The following BAHCC1 variants were observed in gnomAD, a reference collection of about 807,000 sequenced individuals.
The protein encoded by BAHCC1 is BAH domain and coiled-coil containing 1.
In BAHCC1, 43 loss-of-function variants were observed where a neutral mutation model predicts 88.2. The observed-to-expected ratio is 0.49, with a 90% CI of 0.38 to 0.63. The LOEUF (loss-of-function observed/expected upper bound fraction) is 0.63, where lower values mean the gene tolerates loss of function less well. BAHCC1 is among the 20% of genes least tolerant of loss of function. The pLI is 0.00. For synonymous variants in BAHCC1, 1,510 were observed against 745.5 expected, an observed-to-expected ratio of 2.03 and a Z score of -16.71; for missense variants, 3,023 against 1,654.8, an observed-to-expected ratio of 1.83 and a Z score of -14.34.
chr17:81,460,656 C>T lies in BAHCC1; in HGVS notation c.6152C>T (p.Pro2051Leu). 1.3e-6 allele frequency: 1 copy of T among 772,316 alleles called. No individual in the cohort carries two copies. Among genetic ancestry groups the T allele is most frequent in the Non-Finnish European group, 2.4e-6 (1 of 414,452 alleles). The allele number at this position is 772,316 out of a possible 1,614,324, so 47.8% of individuals were successfully genotyped here. The change falls in exon 25 of 28, where the codon CCC (proline) becomes CTC (leucine). Residue 2051 changes from proline to leucine, a missense_variant. Physicochemically the swap from Pro to Leu is moderately conservative, Grantham distance 98. Coordinates refer to ENST00000675386, the MANE Select transcript of BAHCC1 (RefSeq NM_001377448.1). Reference sequence around the variant, plus strand: ...CTGTCCCCCAAAGCACAGGACGGCCCCGAAGCTTTGAAGACACCTGGGAAA... The same window carrying T: ...CTGTCCCCCAAAGCACAGGACGGCCTCGAAGCTTTGAAGACACCTGGGAAA... ...PSLSPKAQDGPEALKTPGKKS... is the reference protein window; with the variant it reads ...PSLSPKAQDGLEALKTPGKKS...
rs782126812 is a variant in BAHCC1, at chr17:81,463,809, C to T, written c.7819C>T (p.Leu2607=). The T allele has an allele frequency of 1.4e-6, 1 of 730,992 alleles. No individual in the cohort carries two copies. Among genetic ancestry groups the T allele is most frequent in the South Asian group, 1.4e-5 (1 of 69,836 alleles). The allele number at this position is 730,992 out of a possible 1,614,324, so 45.3% of individuals were successfully genotyped here. ...RLVTADGVPI[L]C is the part of the protein sequence containing the mutation. The stretch of plus-strand genomic sequence containing the variant: ...GGTGACGGCTGATGGCGTGCCCATC[C>T]TATGCTGAGCCGCCCACCGCAGATG... The change falls in exon 28 of 28, where the codon CTA becomes TTA. Residue 2607 remains leucine, a synonymous_variant. Coordinates refer to ENST00000675386, the MANE Select transcript of BAHCC1 (RefSeq NM_001377448.1).
At chr17:81,423,403 C>T (rs1477472018) in intron 2 of BAHCC1, among the ~76,000 whole-genome samples, 1 of 152,156 alleles carries the variant, frequency 6.6e-6, no homozygotes, top group Non-Finnish European at 1.5e-5. Flanking sequence ...TGGGAAGTTC[C>T]CAGGGCCAAG....
chr17:81,451,814 A>AC lies in BAHCC1; in HGVS notation c.4129dup (p.Arg1377ProfsTer63). ...CAACCCCTGCAGCGGCCCCAGGCTC[A>AC]CCCCCCGCATGCAGATCCTGCAGCG... On this transcript the variant is annotated frameshift_variant, in exon 12 of 28. Coordinates refer to ENST00000675386, the MANE Select transcript of BAHCC1 (RefSeq NM_001377448.1). LOFTEE classifies it high-confidence loss of function. 2.6e-6 allele frequency: 2 copies of AC among 757,654 alleles called. No homozygotes were observed. The highest frequency in any genetic ancestry group is 2.5e-5 in the East Asian group (1 of 40,766). 46.9% of individuals were successfully genotyped at this position (757,654 alleles called of 1,614,324 possible).
In BAHCC1 at chr17:81,451,841, A is replaced by G. The variant is rs782443652; in HGVS notation, c.4150A>G (p.Lys1384Glu). The change falls in exon 12 of 28, where the codon AAG becomes GAG. Residue 1384 changes from lysine to glutamate, a missense_variant. Transcript: ENST00000675386. ...LTPRMQILQR[K>E]DTWTPKTKPV... ...CCCCCGCATGCAGATCCTGCAGCGC[A>G]AGGACACCTGGACCCCCAAGACCAA... 1.3e-6 allele frequency: 1 copy of G among 751,574 alleles called. No individual in the cohort carries two copies. Among genetic ancestry groups the G allele is most frequent in the South Asian group, 1.4e-5 (1 of 71,938 alleles). 46.6% of individuals were successfully genotyped at this position (751,574 alleles called of 1,614,324 possible). A position where few individuals can be genotyped will look rare whatever the true frequency, so the allele number is the denominator to read the frequency against.
intron 2 of BAHCC1, chr17:81,402,421 A>G (rs1555646228): frequency 6.6e-6 from 1 of 152,256 alleles, no homozygotes; most frequent in East Asian, 1.9e-4. Flanking sequence ...GTGTCTATAT[A>G]TGATCTAGTT....
At chr17:81,444,911 G>A in intron 8 of BAHCC1, 85 bp downstream of exon 8, 1 of 699,488 alleles carries the variant, frequency 1.4e-6, no homozygotes, top group Non-Finnish European at 2.6e-6. Flanking sequence ...CAGGGCTCAG[G>A]AGGGAGCGGT....
At chr17:81,431,215 C>T (rs1205441760) in intron 3 of BAHCC1, among the ~76,000 whole-genome samples, 1 of 152,140 alleles carries the variant, frequency 6.6e-6, no homozygotes, top group Non-Finnish European at 1.5e-5. Context: ...CGGGAGCCAG[C>T]CCTCCCATAC....
At chr17:81,462,513 G>A (rs1177020907) in intron 26 of BAHCC1, 45 of 569,028 alleles carry the variant, frequency 7.9e-5, no homozygotes, top group South Asian at 6.6e-4. Context: ...GTGTCCAGAC[G>A]TCATGATTCC....
chr17:81,458,203 A>G lies in BAHCC1; in HGVS notation c.5080A>G (p.Ile1694Val), dbSNP rs1195124738. ...GTCCAGCCCTGAGAGTGAGGTCAAG[A>G]TCAAGAGGCGGTCGGTGAAGGCCAA... is the stretch of plus-strand genomic sequence containing the variant. ...RLSSPESEVK[I>V]KRRSVKAKVG... is the part of the protein sequence containing the mutation. Residue 1694 changes from isoleucine to valine, a missense_variant, in exon 18 of 28, where the codon ATC (isoleucine) becomes GTC (valine). Ile to Val is a conservative substitution (Grantham distance 29). Coordinates refer to ENST00000675386, the MANE Select transcript of BAHCC1 (RefSeq NM_001377448.1). The G allele has an allele frequency of 1.5e-5, 11 of 728,192 alleles. No homozygotes were observed. Among genetic ancestry groups the G allele is most frequent in the Non-Finnish European group, 2.8e-5 (11 of 391,660 alleles). 45.1% of individuals were successfully genotyped at this position (728,192 alleles called of 1,614,324 possible).
chr17:81,426,448 T>G lies in BAHCC1; in HGVS notation c.179-352T>G, dbSNP rs2064200715. ...TAGTGGTGGGTGATGTGGTTGGGGG[T>G]GATGTGGGTGATGTGGTTGGGGGTG... On this transcript the variant is annotated intron_variant, in intron 2 of 27. Transcript: ENST00000675386. Among the ~76,000 whole-genome samples, 14 of 41,746 alleles carry G rather than the reference T, an allele frequency of 3.4e-4. 1 individual carries two copies. The highest frequency in any genetic ancestry group is 1.1e-3 in the African/African-American group (7 of 6,402). 27.4% of individuals were successfully genotyped at this position (41,746 alleles called of 152,430 possible).
rs781936482 is a variant in BAHCC1, at chr17:81,399,621, C to T, written c.-119C>T. 1.5e-6 allele frequency: 1 copy of T among 648,178 alleles called. No individual in the cohort carries two copies. Among genetic ancestry groups the T allele is most frequent in the South Asian group, 2.0e-5 (1 of 49,538 alleles). 40.2% of individuals were successfully genotyped at this position (648,178 alleles called of 1,614,324 possible). A position where few individuals can be genotyped will look rare whatever the true frequency, so the allele number is the denominator to read the frequency against. ...TCCCGCGTGCTGACCGGCCCCGCCG[C>T]CACCACCGCCTGTGACCCCGGACGC... On this transcript the variant is annotated 5_prime_UTR_variant, in exon 2 of 28. Transcript: ENST00000675386. This position sits in a 1 kb window ranked among gnomAD's most constrained non-coding sequence, Gnocchi z 4.5.
chr17:81,461,124 G>A lies in BAHCC1; in HGVS notation c.6461G>A (p.Arg2154His), dbSNP rs782797408. 27 of 764,250 alleles carry A rather than the reference G, an allele frequency of 3.5e-5. No homozygotes were observed. Among genetic ancestry groups the A allele is most frequent in the Non-Finnish European group, 5.0e-5 (21 of 416,254 alleles). The allele number at this position is 764,250 out of a possible 1,614,324, so 47.3% of individuals were successfully genotyped here. Residue 2154 changes from arginine (R) to histidine (H), a missense_variant, in exon 26 of 28, where the codon CGC (arginine) becomes CAC (histidine). Transcript: ENST00000675386. ...ACACCCATATTTGGCAACGGCTTCC[G>A]CGCCGACTCCTTCAGCAGCCTGGCC... is the stretch of plus-strand genomic sequence containing the variant. ...VATPIFGNGF[R>H]ADSFSSLASS...
chr17:81,399,519 CT>C lies in BAHCC1; in HGVS notation c.-206-11del. ...CCCCCAGTCACCCGTGTCTCCTCTG[CT>C]TTTGCCTCCACAGACCATGGACCCG... On this transcript the variant is annotated splice_polypyrimidine_tract_variant and intron_variant, in intron 1 of 27. Transcript: ENST00000675386. This position sits in a 1 kb window ranked among gnomAD's most constrained non-coding sequence, Gnocchi z 4.5. 1 of 348,996 alleles carries C rather than the reference CT, an allele frequency of 2.9e-6. No individual in the cohort carries two copies. The highest frequency in any genetic ancestry group is 5.7e-6 in the Non-Finnish European group (1 of 174,308). The allele number at this position is 348,996 out of a possible 1,614,324, so 21.6% of individuals were successfully genotyped here.
intron 2 of BAHCC1, among the ~76,000 whole-genome samples, chr17:81,423,218 A>G (rs1376345203): frequency 1.4e-5 from 2 of 144,728 alleles, no homozygotes; most frequent in Non-Finnish European, 1.5e-5. Context: ...CTCTGCTGCC[A>G]TGACTGGGAG....
intron 2 of BAHCC1, among the ~76,000 whole-genome samples, chr17:81,407,634 G>A (rs929591822): frequency 1.3e-5 from 2 of 152,238 alleles, no homozygotes; most frequent in South Asian, 4.1e-4. Context: ...GGCATGAACA[G>A]ACATTGCCGC....
intron 1 of BAHCC1, among the ~76,000 whole-genome samples, chr17:81,397,460 AGGAAGCCT>A (rs2063757971): frequency 4.7e-5 from 7 of 150,314 alleles, no homozygotes; most frequent in Admixed American, 4.6e-4. Flanking sequence ...GGAGGCCGCC[AGGAAGCCT>A]GGCACCCCCG....
rs1270429132 is a variant in BAHCC1 at position 81,447,838 on chromosome 17, G to A, written c.3966G>A (p.Arg1322=). ...CAATCCAGCGGCAGAGGAGTGAGAGGACTGTGCCAGGTAAGCCCGGTGGTT... is the reference window on the plus strand; with the variant it reads ...CAATCCAGCGGCAGAGGAGTGAGAGAACTGTGCCAGGTAAGCCCGGTGGTT... ...DLAIQRQRSE[R]TVPEEEEDVL... is the part of the protein sequence containing the mutation. Residue 1322 remains arginine, a synonymous_variant, in exon 11 of 28, where the codon AGG becomes AGA. Transcript: ENST00000675386. 12 of 734,116 alleles carry A rather than the reference G, an allele frequency of 1.6e-5. No homozygotes were observed. Among genetic ancestry groups the A allele is most frequent in the Non-Finnish European group, 3.0e-5 (12 of 394,724 alleles). The allele number at this position is 734,116 out of a possible 1,614,324, so 45.5% of individuals were successfully genotyped here.
intron 16 of BAHCC1, 144 bp from the exon 17 acceptor site, chr17:81,457,265 AG>A (rs1418815099): frequency 3.3e-6 from 2 of 608,440 alleles, no homozygotes; most frequent in Non-Finnish European, 5.9e-6. Flanking sequence ...CCCCCAAAGC[AG>A]CCCCACAGAG....
At chr17:81,416,212 G>A (rs916096869) in intron 2 of BAHCC1, among the ~76,000 whole-genome samples, 6 of 149,116 alleles carry the variant, frequency 4.0e-5, no homozygotes, top group Non-Finnish European at 5.9e-5. Context: ...GCGTGTGTAC[G>A]TGTATGTGTG....
Sources: gnomAD v4.1 joint callset for allele counts (sites outside exome capture counted in the v4.1 genomes callset) on GRCh38, gnomAD v4.1.1 for gene constraint, Gnocchi (gnomAD v3.1) non-coding constraint, MANE v1.5 for transcripts, NCBI Gene and HGNC (gene_info 2026-07-23, HGNC 2026-07-21) for gene names.